Variants in PGCKA1 observed in about 807,000 individuals in gnomAD.
PGCKA1 encodes PDCD10 and GCKIII kinases-associated protein 1.
the PGCKA1 span, chr4:37,590,823 T>C: frequency 6.2e-7 from 1 of 1,614,208 alleles, no homozygotes; most frequent in Non-Finnish European, 8.5e-7. Flanking sequence ...TCTGCTTTAA[T>C]GAGAAGGGTC....
chr4:37,526,227 G>C, the PGCKA1 span, among the ~76,000 whole-genome samples: 1 of 152,196 alleles, frequency 6.6e-6, no homozygotes, highest in African/African-American at 2.4e-5. Flanking sequence ...TTCTTAATCA[G>C]ATTATGAAAT....
chr4:37,490,017 A>T, the PGCKA1 span, among the ~76,000 whole-genome samples: 20 of 124,524 alleles, frequency 1.6e-4, no homozygotes, highest in African/African-American at 5.1e-4. Context: ...TACATAACTT[A>T]AAAAAAAAGA....
At chr4:37,569,355 G>A in the PGCKA1 span, among the ~76,000 whole-genome samples, 7 of 151,682 alleles carry the variant, frequency 4.6e-5, no homozygotes, top group African/African-American at 2.4e-5. Context: ...CTGCCACCAC[G>A]CCCAGCTAAT....
the PGCKA1 span, among the ~76,000 whole-genome samples, chr4:37,509,649 C>T: frequency 1.3e-5 from 2 of 151,132 alleles, no homozygotes; most frequent in South Asian, 4.2e-4. Context: ...CGAGATCACG[C>T]CACCGCACTC....
chr4:37,515,452 AC>A, the PGCKA1 span, among the ~76,000 whole-genome samples: 1 of 152,358 alleles, frequency 6.6e-6, no homozygotes, highest in East Asian at 1.9e-4. Flanking sequence ...TAGAGCATCA[AC>A]ATCACATTGC....
the PGCKA1 span, among the ~76,000 whole-genome samples, chr4:37,488,939 A>C: frequency 1.3e-5 from 2 of 152,138 alleles, no homozygotes; most frequent in Non-Finnish European, 2.9e-5. Flanking sequence ...AAACCCATTT[A>C]AAAAACACAG....
chr4:37,473,855 G>A, the PGCKA1 span, among the ~76,000 whole-genome samples: 3 of 152,128 alleles, frequency 2.0e-5, no homozygotes, highest in Admixed American at 2.0e-4. Flanking sequence ...CACAGCTACA[G>A]ATCCATTAAA....
At chr4:37,509,521 G>A in the PGCKA1 span, among the ~76,000 whole-genome samples, 155 of 151,572 alleles carry the variant, frequency 1.0e-3, no homozygotes, top group African/African-American at 3.3e-3. Context: ...CCAGATGATG[G>A]GTGGCCAGGC....
the PGCKA1 span, among the ~76,000 whole-genome samples, chr4:37,480,216 G>A: frequency 1.3e-5 from 2 of 152,224 alleles, no homozygotes; most frequent in Non-Finnish European, 2.9e-5. Context: ...GAGGAGGCCA[G>A]GTGCCGTGGC....
At chr4:37,556,560 C>T in the PGCKA1 span, among the ~76,000 whole-genome samples, 1 of 152,154 alleles carries the variant, frequency 6.6e-6, no homozygotes, top group Non-Finnish European at 1.5e-5. Flanking sequence ...TGACCACGCC[C>T]AGCCCCTTTA....
chr4:37,537,137 A>G, the PGCKA1 span, among the ~76,000 whole-genome samples: 3 of 152,256 alleles, frequency 2.0e-5, no homozygotes, highest in African/African-American at 7.2e-5. Context: ...CTTAAGGCTC[A>G]TAAGATATAG....
chr4:37,584,002 A>G, the PGCKA1 span, among the ~76,000 whole-genome samples: 3 of 152,240 alleles, frequency 2.0e-5, no homozygotes, highest in African/African-American at 7.2e-5. Context: ...TCAAAAGAGC[A>G]TATTTTTTTC....
At chr4:37,506,414 A>G in the PGCKA1 span, among the ~76,000 whole-genome samples, 1 of 152,076 alleles carries the variant, frequency 6.6e-6, no homozygotes, top group South Asian at 2.1e-4. Context: ...TCATAGCTAT[A>G]AACTTTCCTC....
the PGCKA1 span, among the ~76,000 whole-genome samples, chr4:37,570,160 T>TTC: frequency 2.9e-5 from 4 of 140,124 alleles, no homozygotes; most frequent in South Asian, 9.3e-4. Flanking sequence ...TTTTTTTTTT[T>TTC]TTTTTTTTTT....
chr4:37,529,775 G>A, the PGCKA1 span, among the ~76,000 whole-genome samples: 4 of 152,152 alleles, frequency 2.6e-5, no homozygotes. Context: ...ACCTTGAGTT[G>A]ATTTAAAAGG....
the PGCKA1 span, among the ~76,000 whole-genome samples, chr4:37,555,420 TCC>T: frequency 6.6e-6 from 1 of 152,150 alleles, no homozygotes; most frequent in African/African-American, 2.4e-5. Flanking sequence ...AGGAAACAAG[TCC>T]TGGCTCCTCC....
chr4:37,484,363 A>T, the PGCKA1 span, among the ~76,000 whole-genome samples: 13 of 152,196 alleles, frequency 8.5e-5, no homozygotes, highest in African/African-American at 3.1e-4. Context: ...ATCTCATGAG[A>T]CTTATTCACT....
At chr4:37,462,410 T>C in the PGCKA1 span, among the ~76,000 whole-genome samples, 1 of 152,242 alleles carries the variant, frequency 6.6e-6, no homozygotes, top group African/African-American at 2.4e-5. Context: ...ATTTGGTCTT[T>C]GGAGGAGATT....
At chr4:37,552,630 TC>T in the PGCKA1 span, among the ~76,000 whole-genome samples, 1 of 152,182 alleles carries the variant, frequency 6.6e-6, no homozygotes, top group African/African-American at 2.4e-5. Flanking sequence ...TAAAATCACT[TC>T]CAAATTTGCT....
Sources: allele counts gnomAD v4.1 joint callset (sites outside exome capture counted in the v4.1 genomes callset), GRCh38; gene constraint gnomAD v4.1.1; transcripts MANE v1.5; gene names NCBI Gene and HGNC (gene_info 2026-07-23, HGNC 2026-07-21).